CNTLN: variants seen among roughly 807,000 people sequenced by gnomAD.
CNTLN encodes centlein, also known as centlein, centrosomal protein.
In CNTLN, 212 loss-of-function variants were observed where a neutral mutation model predicts 180.0. The ratio of observed to expected loss-of-function variants is 1.18; its 90% CI spans 1.05 to 1.32. The LOEUF is 1.32. CNTLN is among the 40% of genes most tolerant of loss of function. The pLI is 0.00. For missense variants in CNTLN, 2,095 were observed against 1,610.9 expected (o/e 1.30, Z -5.14); for synonymous variants, 722 against 563.1 (o/e 1.28, Z -3.99).
intron 16 of CNTLN, among the ~76,000 whole-genome samples, chr9:17,410,544 G>T (rs1827768501): frequency 6.6e-6 from 1 of 152,024 alleles, no homozygotes; most frequent in South Asian, 2.1e-4. Context: ...CAATTCTAAT[G>T]TGGCCAAACT....
intron 12 of CNTLN, among the ~76,000 whole-genome samples, chr9:17,360,505 G>A (rs1026314147): frequency 4.6e-5 from 7 of 152,156 alleles, no homozygotes; most frequent in Non-Finnish European, 8.8e-5. Context: ...GGTGGTGGAG[G>A]ATGAGGAACC....
At position 17,218,431 on chromosome 9, in the gene CNTLN, A is replaced by G. The variant is rs549738299; in HGVS notation, c.450-7772A>G. On this transcript the variant is annotated intron_variant, in intron 2 of 25. Transcript: ENST00000380647. ...CTTTTTCAAGTTTTATTATTGTTAT[A>G]TTGTTTATAGATGCCATTCCAGTAA... 5.3e-5 allele frequency among the ~76,000 whole-genome samples: 8 copies of G among 152,138 alleles called. No individual in the cohort carries two copies. The South Asian group carries it at 1.2e-3, about 24-fold the overall frequency.
At chr9:17,516,291 T>TA in the CNTLN span, among the ~76,000 whole-genome samples, 1 of 152,180 alleles carries the variant, frequency 6.6e-6, no homozygotes, top group South Asian at 2.1e-4. Flanking sequence ...CTATAGACCG[T>TA]AAGTCATGTA....
chr9:17,329,339 T>TA (rs1364462935), intron 8 of CNTLN, among the ~76,000 whole-genome samples: 2 of 151,802 alleles, frequency 1.3e-5, no homozygotes, highest in Admixed American at 1.3e-4. Flanking sequence ...GGAGAAAAGA[T>TA]AAAAAATAAA....
Position 17,241,255 on chromosome 9 carries a change from T to A in CNTLN, c.849+4667T>A, listed in dbSNP as rs187468607. ...TTTTGTACATGGCAACAGATAGGGG[T>A]CTAGTTTCATTCTTCTGCATATGTA... On this transcript the variant is annotated intron_variant, in intron 5 of 25. Coordinates refer to ENST00000380647, the MANE Select transcript of CNTLN (RefSeq NM_017738.4). Among the ~76,000 whole-genome samples, 771 of 152,248 alleles carry A rather than the reference T, an allele frequency of 5.1e-3. 6 individuals are homozygous for A. The highest frequency in any genetic ancestry group is 8.0e-3 in the Admixed American group (122 of 15,300).
intron 23 of CNTLN, among the ~76,000 whole-genome samples, chr9:17,477,961 CA>C (rs1832441087): frequency 6.6e-6 from 1 of 152,156 alleles, no homozygotes; most frequent in African/African-American, 2.4e-5. Context: ...ATTAATATGG[CA>C]AGTTTCACTG....
At chr9:17,137,817 G>C (rs1346360060) in intron 1 of CNTLN, among the ~76,000 whole-genome samples, 1 of 152,118 alleles carries the variant, frequency 6.6e-6, no homozygotes, top group African/African-American at 2.4e-5. Flanking sequence ...GAATGCCTCA[G>C]AATAAGCATG....
chr9:17,493,937 C>T (rs748996800), intron 25 of CNTLN, among the ~76,000 whole-genome samples: 8 of 152,178 alleles, frequency 5.3e-5, no homozygotes, highest in African/African-American at 4.8e-5. Flanking sequence ...TTCTGTCTCA[C>T]GTTAGCATGA....
chr9:17,427,438 A>G (rs191658364), intron 18 of CNTLN, among the ~76,000 whole-genome samples: 3 of 152,230 alleles, frequency 2.0e-5, no homozygotes, highest in Non-Finnish European at 2.9e-5. Flanking sequence ...ATTTCCTGTC[A>G]AATATGATAT....
chr9:17,240,983 C>T (rs190589989), intron 5 of CNTLN, among the ~76,000 whole-genome samples: 372 of 152,186 alleles, frequency 2.4e-3, no homozygotes, highest in African/African-American at 8.2e-3. Context: ...CTCAGCCTCC[C>T]GAGGAGCTGG....
intron 2 of CNTLN, among the ~76,000 whole-genome samples, chr9:17,162,631 G>A (rs148734831): frequency 6.6e-6 from 1 of 152,170 alleles, no homozygotes; most frequent in Non-Finnish European, 1.5e-5. Flanking sequence ...ACATATAGGT[G>A]GTATAATTAA....
chr9:17,301,173 C>G (rs1366581933), intron 7 of CNTLN: 3 of 985,236 alleles, frequency 3.0e-6, no homozygotes, highest in Non-Finnish European at 1.2e-6. Context: ...CAAATGGACT[C>G]TAGTTCAAAC....
chr9:17,479,097 A>G (rs1734689991), intron 23 of CNTLN, among the ~76,000 whole-genome samples: 4 of 152,176 alleles, frequency 2.6e-5, no homozygotes, highest in African/African-American at 7.2e-5. Context: ...GTTGGTGGGA[A>G]TGCAAAGTGG....
intron 8 of CNTLN, among the ~76,000 whole-genome samples, chr9:17,327,284 T>C (rs1033168288): frequency 1.2e-5 from 1 of 81,998 alleles, no homozygotes; most frequent in Non-Finnish European, 2.6e-5. Context: ...CAATCTTGGG[T>C]CGCTGCAAAC....
intron 15 of CNTLN, among the ~76,000 whole-genome samples, chr9:17,403,430 C>T (rs1827135120): frequency 6.6e-6 from 1 of 151,366 alleles, no homozygotes; most frequent in East Asian, 1.9e-4. Flanking sequence ...AGCCTGTTCA[C>T]AAAAAAGACC....
Position 17,298,246 on chromosome 9 carries a change from A to G in CNTLN, c.1040A>G (p.Gln347Arg), listed in dbSNP as rs766427563. 1 of 1,612,150 alleles carries G rather than the reference A, an allele frequency of 6.2e-7. No individual in the cohort carries two copies. The highest frequency in any genetic ancestry group is 1.1e-5 in the South Asian group (1 of 90,608). Residue 347 changes from glutamine (Q) to arginine (R), a missense_variant, in exon 7 of 26, where the codon CAG becomes CGG. Gln to Arg is a conservative substitution (Grantham distance 43). Transcript: ENST00000380647. Reference protein sequence around the residue: ...LYKQNSTHTAQQAELIQQLQV... With the variant: ...LYKQNSTHTARQAELIQQLQV... ...AAACAGAACAGTACACATACAGCCC[A>G]GCAAGCAGAGCTGATCCAGCAGCTT...
intron 22 of CNTLN, among the ~76,000 whole-genome samples, 194 bp from the exon 23 acceptor site, chr9:17,466,512 T>G (rs549199482): frequency 1.3e-5 from 2 of 151,498 alleles, no homozygotes; most frequent in African/African-American, 4.8e-5. Flanking sequence ...ATAAACTAAT[T>G]TAGATGATAA....
At chr9:17,324,911 G>A (rs1467636509) in intron 8 of CNTLN, among the ~76,000 whole-genome samples, 2 of 152,096 alleles carry the variant, frequency 1.3e-5, no homozygotes, top group East Asian at 3.9e-4. Context: ...TTACTCAAAT[G>A]TAGTCAATAA....
intron 3 of CNTLN, among the ~76,000 whole-genome samples, chr9:17,233,111 T>G (rs776161975): frequency 1.3e-5 from 2 of 152,064 alleles, no homozygotes; most frequent in African/African-American, 2.4e-5. Context: ...ATGCAAATAG[T>G]CTTTGACTTA....
Sources: gnomAD v4.1 joint callset for allele counts (sites outside exome capture counted in the v4.1 genomes callset) on GRCh38, gnomAD v4.1.1 for gene constraint, MANE v1.5 for transcripts, NCBI Gene and HGNC (gene_info 2026-07-23, HGNC 2026-07-21) for gene names.